The following MYOCD variants were observed in gnomAD, a reference collection of about 807,000 sequenced individuals.
MYOCD encodes myocardin.
In MYOCD, 32 loss-of-function variants were observed where a neutral mutation model predicts 96.1. The observed-to-expected ratio is 0.33, with a 90% CI of 0.25 to 0.45. The LOEUF (loss-of-function observed/expected upper bound fraction) is 0.45, where lower values mean the gene tolerates loss of function less well. Ranked by LOEUF, MYOCD falls within the 20% of genes least tolerant of loss-of-function variation. MYOCD has a pLI of 1.00. For missense variants in MYOCD, 1,133 were observed against 1,200.6 expected, an observed-to-expected ratio of 0.94 and a Z score of 0.83; for synonymous variants, 469 against 469.0, an observed-to-expected ratio of 1.00 and a Z score of 0.00.
chr17:12,684,569 G>C (rs115273682), intron 1 of MYOCD, among the ~76,000 whole-genome samples: 1 of 152,162 alleles, frequency 6.6e-6, no homozygotes, highest in South Asian at 2.1e-4. Context: ...AATGGTGACC[G>C]GGTGCAGTGG....
intron 1 of MYOCD, among the ~76,000 whole-genome samples, chr17:12,669,642 G>A (rs929859396): frequency 2.0e-5 from 3 of 151,572 alleles, no homozygotes; most frequent in East Asian, 2.0e-4. Context: ...TTTCTGAGAC[G>A]GAGTCTCGCT....
chr17:12,731,901 G>GT (rs1351741477), intron 5 of MYOCD, among the ~76,000 whole-genome samples: 4 of 152,142 alleles, frequency 2.6e-5, no homozygotes, highest in Non-Finnish European at 5.9e-5. Context: ...GCTGTGTCTG[G>GT]GCTCCCTGCC....
chr17:12,759,022 C>T (rs890226470), intron 12 of MYOCD, among the ~76,000 whole-genome samples: 39 of 150,674 alleles, frequency 2.6e-4, no homozygotes, highest in African/African-American at 8.6e-4. Context: ...TACTCCAGCC[C>T]GGGTGACAAG....
intron 1 of MYOCD, among the ~76,000 whole-genome samples, chr17:12,683,628 A>C (rs184409750): frequency 6.6e-6 from 1 of 152,210 alleles, no homozygotes; most frequent in African/African-American, 2.4e-5. Context: ...AGGCAAATTA[A>C]ATGCTGTGGG....
intron 5 of MYOCD, among the ~76,000 whole-genome samples, chr17:12,731,746 G>C (rs147695871): frequency 6.6e-6 from 1 of 152,158 alleles, no homozygotes; most frequent in African/African-American, 2.4e-5. Flanking sequence ...ACTCAAATGC[G>C]TCTGACTCCA....
chr17:12,731,791 C>G (rs978494779), intron 5 of MYOCD, among the ~76,000 whole-genome samples: 3 of 152,240 alleles, frequency 2.0e-5, no homozygotes, highest in African/African-American at 7.2e-5. Flanking sequence ...CCGAACACCA[C>G]AGGAGGTGTT....
chr17:12,691,105 A>C (rs1317052462), intron 1 of MYOCD, among the ~76,000 whole-genome samples: 1 of 152,152 alleles, frequency 6.6e-6, no homozygotes, highest in Non-Finnish European at 1.5e-5. Flanking sequence ...TTCCATTTTC[A>C]CCGTTCCCTA....
rs187636705 is a variant in MYOCD at position 12,698,836 on chromosome 17, C to T, written c.56-6292C>T. ...CAGCTCACTGCAAGCTCCGCCTCCCCGGTTCACGCCATTCTCCTGCCTCAG... is the reference window on the plus strand; with the variant it reads ...CAGCTCACTGCAAGCTCCGCCTCCCTGGTTCACGCCATTCTCCTGCCTCAG... On this transcript the variant is annotated intron_variant, in intron 1 of 13. Transcript: ENST00000425538. Among the ~76,000 whole-genome samples, 103 of 144,470 alleles carry T rather than the reference C, an allele frequency of 7.1e-4. No homozygotes were observed. The South Asian group carries it at 0.012, about 17-fold the overall frequency. 94.8% of individuals were successfully genotyped at this position (144,470 alleles called of 152,430 possible).
intron 1 of MYOCD, among the ~76,000 whole-genome samples, chr17:12,679,746 A>T (rs1278317373): frequency 6.6e-6 from 1 of 152,216 alleles, no homozygotes; most frequent in Non-Finnish European, 1.5e-5. Context: ...TGCACTTTAA[A>T]TATCGTGTTT....
In MYOCD at chr17:12,705,047, C is replaced by T. The variant is rs527751531; in HGVS notation, c.56-81C>T. On this transcript the variant is annotated intron_variant, in intron 1 of 13. Transcript: ENST00000425538. ...GAACTCTTTTAGAAATAAAATGAGA[C>T]GATCTATGAATGTGTAATGAAAATA... 112 of 842,932 alleles carry T rather than the reference C, an allele frequency of 1.3e-4. 1 individual carries two copies. The highest frequency in any genetic ancestry group is 4.5e-4 in the Middle Eastern group (2 of 4,422). 52.2% of individuals were successfully genotyped at this position (842,932 alleles called of 1,614,324 possible).
chr17:12,754,237 T>C (rs966091739), intron 10 of MYOCD, among the ~76,000 whole-genome samples: 1 of 152,176 alleles, frequency 6.6e-6, no homozygotes, highest in African/African-American at 2.4e-5. Flanking sequence ...CCCGAGTAGC[T>C]GGGACTACAG....
chr17:12,694,297 T>G (rs956262035), intron 1 of MYOCD, among the ~76,000 whole-genome samples: 7 of 152,282 alleles, frequency 4.6e-5, no homozygotes, highest in Admixed American at 4.6e-4. Flanking sequence ...TGCAGGTGGC[T>G]GTGCCCAGAG....
intron 11 of MYOCD, 135 bp downstream of exon 11, chr17:12,756,692 TCTC>T: frequency 2.2e-5 from 3 of 138,170 alleles, no homozygotes; most frequent in Non-Finnish European, 3.7e-5. Flanking sequence ...CGAGACTGCA[TCTC>T]AAAAAAAAAA....
intron 10 of MYOCD, among the ~76,000 whole-genome samples, chr17:12,756,183 G>A (rs1188283145): frequency 6.6e-6 from 1 of 152,120 alleles, no homozygotes. Context: ...ACACCCATCC[G>A]GTTTGAAAGC....
chr17:12,684,430 C>A (rs1384650613), intron 1 of MYOCD, among the ~76,000 whole-genome samples: 1 of 152,202 alleles, frequency 6.6e-6, no homozygotes, highest in African/African-American at 2.4e-5. Flanking sequence ...AGTGTTATCC[C>A]TTACCACTCC....
At chr17:12,675,928 A>G (rs1040652494) in intron 1 of MYOCD, among the ~76,000 whole-genome samples, 2 of 152,246 alleles carry the variant, frequency 1.3e-5, no homozygotes, top group Non-Finnish European at 2.9e-5. Flanking sequence ...CAAAGATATA[A>G]GTAGAACTGT....
chr17:12,749,651 ACG>A (rs1282685306), intron 9 of MYOCD, among the ~76,000 whole-genome samples: 17 of 147,398 alleles, frequency 1.2e-4, no homozygotes, highest in African/African-American at 3.7e-4. Context: ...ATATATACAC[ACG>A]TATATATACA....
intron 9 of MYOCD, among the ~76,000 whole-genome samples, chr17:12,750,106 G>C (rs1206107772): frequency 6.6e-6 from 1 of 151,896 alleles, no homozygotes; most frequent in Non-Finnish European, 1.5e-5. Flanking sequence ...CAAAGTTCTG[G>C]GATTACAGGA....
intron 2 of MYOCD, chr17:12,710,647 A>G (rs983346500): frequency 1.0e-5 from 3 of 287,778 alleles, no homozygotes; most frequent in African/African-American, 4.6e-5. Flanking sequence ...AGTTGACTGG[A>G]CAAAGTCTCT....
Sources: gnomAD v4.1 joint callset for allele counts (sites outside exome capture counted in the v4.1 genomes callset) on GRCh38, gnomAD v4.1.1 for gene constraint, MANE v1.5 for transcripts, NCBI Gene and HGNC (gene_info 2026-07-23, HGNC 2026-07-21) for gene names.